Variants in CHRM3 observed in about 807,000 individuals in gnomAD.
CHRM3 encodes the protein cholinergic receptor muscarinic 3.
In CHRM3, 11 loss-of-function variants were observed where a neutral mutation model predicts 41.8. That is an observed-to-expected ratio of 0.26 (90% CI 0.17 to 0.44). The LOEUF (loss-of-function observed/expected upper bound fraction) is 0.44, where lower values mean the gene tolerates loss of function less well. Among genes scored for constraint, CHRM3 ranks in the 20% least tolerant of loss-of-function variants. CHRM3 has a pLI of 1.00. For synonymous variants in CHRM3, 297 were observed against 301.4 expected, an observed-to-expected ratio of 0.99 and a Z score of 0.15; for missense variants, 571 against 745.4, an observed-to-expected ratio of 0.77 and a Z score of 2.72.
intron 1 of CHRM3, among the ~76,000 whole-genome samples, chr1:239,436,237 A>G (rs987834754): frequency 6.6e-6 from 1 of 152,152 alleles, no homozygotes; most frequent in African/African-American, 2.4e-5. Context: ...TTGTAAACAT[A>G]TTAATTAAAA....
intron 5 of CHRM3, among the ~76,000 whole-genome samples, chr1:239,680,500 A>G (rs1406082674): frequency 6.6e-6 from 1 of 152,114 alleles, no homozygotes; most frequent in Non-Finnish European, 1.5e-5. Context: ...TACCTATCCA[A>G]CAGATTGCCA....
intron 5 of CHRM3, among the ~76,000 whole-genome samples, chr1:239,807,818 GCACACACACACA>G (rs57650107): frequency 4.0e-5 from 6 of 148,524 alleles, no homozygotes; most frequent in African/African-American, 9.8e-5. Context: ...TTTGCTTTGC[GCACACACACACA>G]CACACACACA....
At chr1:239,766,502 G>A (rs1667218392) in intron 5 of CHRM3, among the ~76,000 whole-genome samples, 1 of 152,034 alleles carries the variant, frequency 6.6e-6, no homozygotes. Context: ...TAACAAACCT[G>A]CACTTATATC....
At chr1:239,553,917 C>T (rs998155933) in intron 3 of CHRM3, among the ~76,000 whole-genome samples, 2 of 152,134 alleles carry the variant, frequency 1.3e-5, no homozygotes, top group South Asian at 4.2e-4. Context: ...GAAGCAGAGT[C>T]TCACTCTGTC....
chr1:239,710,654 G>T (rs183217696), intron 5 of CHRM3, among the ~76,000 whole-genome samples: 3 of 152,142 alleles, frequency 2.0e-5, no homozygotes, highest in East Asian at 1.9e-4. Context: ...ATCAGACAGA[G>T]AATTTAGTAA....
At chr1:239,703,747 T>A (rs2148125757) in intron 5 of CHRM3, 1 of 152,280 alleles carries the variant, frequency 6.6e-6, no homozygotes, top group South Asian at 2.1e-4. Context: ...GTAAAGTTAC[T>A]TGAACACCCA....
At position 239,441,773 on chromosome 1, in the gene CHRM3, A is replaced by G. The variant is rs143012542; in HGVS notation, c.-520-50936A>G. Among the ~76,000 whole-genome samples the G allele has an allele frequency of 3.8e-3, 573 of 152,324 alleles. 6 individuals carry two copies. The highest frequency in any genetic ancestry group is 0.013 in the African/African-American group (552 of 41,562). ...TGTAGCTACTAATTATAAGTGAAAC[A>G]AAATTCTGCTTCAAACCTGCTGTGA... On this transcript the variant is annotated intron_variant, in intron 1 of 6. Coordinates refer to ENST00000676153, the MANE Select transcript of CHRM3 (RefSeq NM_001375978.1).
At chr1:239,642,416 A>C (rs910179436) in intron 4 of CHRM3, among the ~76,000 whole-genome samples, 1 of 152,058 alleles carries the variant, frequency 6.6e-6, no homozygotes, top group Non-Finnish European at 1.5e-5. Flanking sequence ...TCAGATGTAG[A>C]TTTGGTCTTT....
At chr1:239,567,763 A>G (rs1661486816) in intron 3 of CHRM3, among the ~76,000 whole-genome samples, 1 of 152,090 alleles carries the variant, frequency 6.6e-6, no homozygotes, top group South Asian at 2.1e-4. Context: ...GGGCTCCAGG[A>G]TGCTGCCTTT....
At chr1:239,504,081 C>A (rs560703522) in intron 2 of CHRM3, among the ~76,000 whole-genome samples, 185 of 152,220 alleles carry the variant, frequency 1.2e-3, no homozygotes, top group Non-Finnish European at 2.0e-3. Context: ...AACTAAAGAG[C>A]TTTTGCACAG....
chr1:239,475,787 A>G (rs996767344), intron 1 of CHRM3, among the ~76,000 whole-genome samples: 1 of 152,138 alleles, frequency 6.6e-6, no homozygotes, highest in African/African-American at 2.4e-5. Flanking sequence ...TATTAAAATT[A>G]TTTATGTTAT....
chr1:239,901,779 AT>A, intron 6 of CHRM3, among the ~76,000 whole-genome samples: 1 of 152,090 alleles, frequency 6.6e-6, no homozygotes, highest in African/African-American at 2.4e-5. Context: ...GATTTTCCTC[AT>A]TTTTGTCATA....
intron 4 of CHRM3, among the ~76,000 whole-genome samples, chr1:239,663,722 T>C (rs1296014202): frequency 6.6e-6 from 1 of 152,240 alleles, no homozygotes; most frequent in Non-Finnish European, 1.5e-5. Flanking sequence ...CATTTTGCAC[T>C]TCGTTAATTG....
intron 6 of CHRM3, among the ~76,000 whole-genome samples, chr1:239,859,432 G>GT (rs141776323): frequency 2.4e-3 from 326 of 136,428 alleles, no homozygotes; most frequent in African/African-American, 4.0e-3. Flanking sequence ...TTTTTTTTTT[G>GT]TTTTTTTTTT....
chr1:239,687,526 A>G lies in CHRM3; in HGVS notation c.-147+9238A>G, dbSNP rs186171796. ...TAAGTTTCAAACTCTTTAACATTGA[A>G]CAAATTTAACAAATTTGCCATATGT... On this transcript the variant is annotated intron_variant, in intron 5 of 6. Coordinates refer to ENST00000676153, the MANE Select transcript of CHRM3 (RefSeq NM_001375978.1). 5.3e-5 allele frequency among the ~76,000 whole-genome samples: 8 copies of G among 152,272 alleles called. No homozygotes were observed. The East Asian group carries it at 1.5e-3, about 29-fold the overall frequency.
At chr1:239,420,734 G>C (rs1243290456) in intron 1 of CHRM3, among the ~76,000 whole-genome samples, 1 of 151,996 alleles carries the variant, frequency 6.6e-6, no homozygotes, top group Non-Finnish European at 1.5e-5. Flanking sequence ...CAGTTATTCT[G>C]TTTTAATAAG....
At chr1:239,446,154 C>T (rs776209771) in intron 1 of CHRM3, among the ~76,000 whole-genome samples, 8 of 152,134 alleles carry the variant, frequency 5.3e-5, no homozygotes, top group Non-Finnish European at 2.9e-5. Context: ...CCAGGATGGT[C>T]TTGATCTCCT....
chr1:239,571,349 G>T (rs1661806625), intron 3 of CHRM3, among the ~76,000 whole-genome samples: 1 of 152,176 alleles, frequency 6.6e-6, no homozygotes, highest in African/African-American at 2.4e-5. Context: ...ATATTTCCCA[G>T]AACTAGAAGA....
chr1:239,719,916 T>A (rs1262963404), intron 5 of CHRM3, among the ~76,000 whole-genome samples: 1 of 151,990 alleles, frequency 6.6e-6, no homozygotes, highest in Non-Finnish European at 1.5e-5. Flanking sequence ...TGTGTGTATT[T>A]CCACAAATAA....
Sources: gnomAD v4.1 joint callset for allele counts (sites outside exome capture counted in the v4.1 genomes callset) on GRCh38, gnomAD v4.1.1 for gene constraint, MANE v1.5 for transcripts, NCBI Gene and HGNC (gene_info 2026-07-23, HGNC 2026-07-21) for gene names.